TAF5L: variants seen among roughly 807,000 people sequenced by gnomAD.
TAF5L encodes the protein TATA-box binding protein associated factor 5 like, also known as TAF5-like RNA polymerase II p300/CBP-associated factor-associated factor 65 kDa subunit 5L.
TAF5L carries 7 observed loss-of-function variants against 51.3 expected under a neutral mutation model. The observed-to-expected ratio is 0.14, with a 90% confidence interval of 0.08 to 0.26. The LOEUF (loss-of-function observed/expected upper bound fraction) is 0.26, where lower values mean the gene tolerates loss of function less well. Among genes scored for constraint, TAF5L ranks in the 10% least tolerant of loss-of-function variants. The probability of loss-of-function intolerance (pLI) is 1.00; values close to 1 mark genes in which losing one functional copy is unlikely to be tolerated. For synonymous variants in TAF5L, 291 were observed against 308.1 expected, an observed-to-expected ratio of 0.94 and a Z score of 0.58; for missense variants, 575 against 758.9, an observed-to-expected ratio of 0.76 and a Z score of 2.85.
intron 3 of TAF5L, chr1:229,606,905 T>A (rs781638791): frequency 4.1e-6 from 4 of 985,444 alleles, no homozygotes; most frequent in Non-Finnish European, 4.8e-6. Context: ...TTCAGGTGGA[T>A]ATAGACATAG....
intron 4 of TAF5L, among the ~76,000 whole-genome samples, chr1:229,595,858 T>C (rs1352961965): frequency 6.6e-6 from 1 of 152,130 alleles, no homozygotes; most frequent in African/African-American, 2.4e-5. Context: ...AGAGATGGGG[T>C]TTCTCCATGT....
Position 229,602,249 on chromosome 1 carries a change from G to A in TAF5L, c.918C>T (p.Pro306=), listed in dbSNP as rs1664404235. 3 of 1,614,170 alleles carry A rather than the reference G, an allele frequency of 1.9e-6. No homozygotes were observed. Among genetic ancestry groups the A allele is most frequent in the Non-Finnish European group, 2.5e-6 (3 of 1,180,042 alleles). The change falls in exon 4 of 5, where the codon CCC becomes CCT. Residue 306 remains proline, a synonymous_variant. Transcript: ENST00000258281. This position sits in a 1 kb window ranked among gnomAD's most constrained non-coding sequence, Gnocchi z 4.6. ...GGATGCGGGACACGTCTACTTGGTGGGGCTCTGATTTTAACTTCTTGGATC... is the reference window on the plus strand; with the variant it reads ...GGATGCGGGACACGTCTACTTGGTGAGGCTCTGATTTTAACTTCTTGGATC...
Position 229,594,338 on chromosome 1 carries a change from G to T in TAF5L, c.1729C>A (p.Leu577Ile), listed in dbSNP as rs375827514. ...TCTTGTGTAATTCCAGTCACCAGAA[G>T]AAGGTTACAGGCCATGAACTGCACG... The change falls in exon 5 of 5, where the codon CTT becomes ATT. Residue 577 changes from leucine (L) to isoleucine (I), a missense_variant. By Grantham distance (5) the Leu-to-Ile change is conservative. Coordinates refer to ENST00000258281, the Ensembl canonical transcript of TAF5L. The surrounding 1 kb of genome is among the most constrained non-coding windows in gnomAD (Gnocchi z 7.9). 5 of 1,611,060 alleles carry T rather than the reference G, an allele frequency of 3.1e-6. No homozygotes were observed. In the African/African-American group the frequency reaches 6.7e-5, roughly 22 times the overall value.
intron 4 of TAF5L, among the ~76,000 whole-genome samples, chr1:229,595,989 A>G (rs1664110376): frequency 6.6e-6 from 1 of 152,098 alleles, no homozygotes; most frequent in African/African-American, 2.4e-5. Flanking sequence ...ACACACAACC[A>G]TTGGTTCAGG....
chr1:229,606,444 A>G (rs1056747391), intron 3 of TAF5L: 2 of 985,304 alleles, frequency 2.0e-6, no homozygotes, highest in South Asian at 4.7e-5. Context: ...CTGGCGGTAA[A>G]TGAGAGAACA....
chr1:229,624,058 T>C lies in TAF5L; in HGVS notation c.-4+1827A>G, dbSNP rs1045452485. On this transcript the variant is annotated intron_variant, in intron 1 of 4. Coordinates refer to ENST00000258281, the Ensembl canonical transcript of TAF5L. ...CACTGAGTAATACTGGTTTAACAGA[T>C]GACCCCTAGAGCTCCCTTCCAGCAA... Among the ~76,000 whole-genome samples the C allele has an allele frequency of 2.6e-5, 4 of 152,228 alleles. No individual in the cohort carries two copies. In the South Asian group the frequency reaches 6.2e-4, roughly 24 times the overall value.
At chr1:229,610,780 C>T (rs760202248) in intron 2 of TAF5L, among the ~76,000 whole-genome samples, 3 of 152,162 alleles carry the variant, frequency 2.0e-5, no homozygotes, top group Non-Finnish European at 4.4e-5. Flanking sequence ...ACCCTTCAGC[C>T]CTTCTACTAT....
At chr1:229,617,490 C>G (rs1279131784) in intron 1 of TAF5L, among the ~76,000 whole-genome samples, 1 of 152,232 alleles carries the variant, frequency 6.6e-6, no homozygotes, top group Non-Finnish European at 1.5e-5. Flanking sequence ...GGCTTCCACA[C>G]TGCCGATCTT....
intron 2 of TAF5L, among the ~76,000 whole-genome samples, chr1:229,611,276 T>A (rs1174218394): frequency 1.3e-5 from 2 of 152,076 alleles, no homozygotes; most frequent in Admixed American, 6.5e-5. Context: ...AGTTTATGCT[T>A]TCTAAAAACA....
At position 229,600,537 on chromosome 1, in the gene TAF5L, C is replaced by T. The variant is rs1210075197; in HGVS notation, c.972+1658G>A. On this transcript the variant is annotated intron_variant, in intron 4 of 4. Transcript: ENST00000258281. ...CCTACAGTAATTGAATAACCGAGCT[C>T]TTCTCTAGTCCATCCATGTCTCCTT... 5 of 985,344 alleles carry T rather than the reference C, an allele frequency of 5.1e-6. No individual in the cohort carries two copies. In the East Asian group the frequency reaches 5.7e-4, roughly 112 times the overall value. 61.0% of individuals were successfully genotyped at this position (985,344 alleles called of 1,614,324 possible).
chr1:229,604,425 TAAGACAGCCACCCAGC>T (rs992675856), intron 3 of TAF5L, among the ~76,000 whole-genome samples: 3 of 152,208 alleles, frequency 2.0e-5, no homozygotes, highest in Non-Finnish European at 4.4e-5. Flanking sequence ...AACTGGAAGT[TAAGACAGCCACCCAGC>T]CACTTTGGGC....
chr1:229,623,682 C>T (rs751743768), intron 1 of TAF5L, among the ~76,000 whole-genome samples: 1 of 152,226 alleles, frequency 6.6e-6, no homozygotes, highest in Non-Finnish European at 1.5e-5. Flanking sequence ...GCATACTCGA[C>T]GCTAAGACAC....
chr1:229,623,826 C>G (rs528574744), intron 1 of TAF5L, among the ~76,000 whole-genome samples: 1 of 152,336 alleles, frequency 6.6e-6, no homozygotes, highest in African/African-American at 2.4e-5. Flanking sequence ...GATGGGAACT[C>G]AGGACACCTG....
At chr1:229,600,878 A>G in intron 4 of TAF5L, 1 of 984,970 alleles carries the variant, frequency 1.0e-6, no homozygotes. Context: ...AATAATCTCC[A>G]AACTCTGTAT....
At position 229,594,500 on chromosome 1, in the gene TAF5L, C is replaced by T. The variant is rs200554431; in HGVS notation, c.1567G>A (p.Gly523Ser). The change falls in exon 5 of 5, where the codon GGC becomes AGC. Residue 523 changes from glycine to serine, a missense_variant. Physicochemically the swap from Gly to Ser is moderately conservative, Grantham distance 56 (BLOSUM62 0). Around this residue, in one of 3 missense-constraint regions of TAF5L, gnomAD observed 91 missense variants for 96.9 expected, o/e 0.94. Transcript: ENST00000258281. This position sits in a 1 kb window ranked among gnomAD's most constrained non-coding sequence, Gnocchi z 7.9. ...TCCATGGAGGCAGAGGCAATCAAGC[C>T]GCTGTCTGGACTGAAGGTGAGGCTG... is the stretch of plus-strand genomic sequence containing the variant. The T allele has an allele frequency of 6.0e-5, 97 of 1,613,994 alleles. No homozygotes were observed. Among genetic ancestry groups the T allele is most frequent in the Non-Finnish European group, 7.6e-5 (90 of 1,179,986 alleles).
chr1:229,614,259 A>G (rs568396604), intron 2 of TAF5L, 82 bp downstream of exon 2: 12 of 1,612,062 alleles, frequency 7.4e-6, no homozygotes, highest in Non-Finnish European at 1.0e-5. Flanking sequence ...TGTCTTGAGA[A>G]GAGGAGAAGT....
chr1:229,618,141 A>C (rs1233252027), intron 1 of TAF5L, among the ~76,000 whole-genome samples: 1 of 152,218 alleles, frequency 6.6e-6, no homozygotes, highest in Non-Finnish European at 1.5e-5. Context: ...GAAGAAAAAA[A>C]ACTCTCCTTA....
chr1:229,611,411 C>G (rs1425141099), intron 2 of TAF5L, among the ~76,000 whole-genome samples: 1 of 152,110 alleles, frequency 6.6e-6, no homozygotes, highest in Non-Finnish European at 1.5e-5. Context: ...TGCATTTTGT[C>G]AATGGAATAT....
chr1:229,625,340 G>A lies in TAF5L; in HGVS notation c.-4+545C>T, dbSNP rs562223021. 6.6e-6 allele frequency among the ~76,000 whole-genome samples: 1 copy of A among 152,222 alleles called. No individual in the cohort carries two copies. Among genetic ancestry groups the A allele is most frequent in the African/African-American group, 2.4e-5 (1 of 41,542 alleles). On this transcript the variant is annotated intron_variant, in intron 1 of 4. Coordinates refer to ENST00000258281, the Ensembl canonical transcript of TAF5L. This position sits in a 1 kb window ranked among gnomAD's most constrained non-coding sequence, Gnocchi z 4.0. The stretch of plus-strand genomic sequence containing the variant: ...CGAGCCCCGAGAGACACCCTTGCAG[G>A]TAAGCACTCTCCTGCAGCAGCTAGT...
Sources: gnomAD v4.1 joint callset for allele counts (sites outside exome capture counted in the v4.1 genomes callset) on GRCh38, gnomAD v4.1.1 for gene constraint, gnomAD v4.1.1 regional missense constraint, Gnocchi (gnomAD v3.1) non-coding constraint, MANE v1.5 for transcripts, NCBI Gene and HGNC (gene_info 2026-07-23, HGNC 2026-07-21) for gene names.